The following CTNND2 variants were observed in gnomAD, a reference collection of about 807,000 sequenced individuals.
CTNND2 encodes catenin delta-2.
In CTNND2, 22 loss-of-function variants were observed where a neutral mutation model predicts 144.4. That is an observed-to-expected ratio of 0.15 (90% CI 0.11 to 0.22). CTNND2 has a LOEUF of 0.22. CTNND2 is among the 10% of genes least tolerant of loss of function. The pLI is 1.00. For missense variants in CTNND2, 1,353 were observed against 1,618.8 expected (o/e 0.84, Z 2.82); for synonymous variants, 751 against 695.6 (o/e 1.08, Z -1.25).
At chr5:11,416,368 T>C (rs1302516844) in intron 3 of CTNND2, among the ~76,000 whole-genome samples, 2 of 152,220 alleles carry the variant, frequency 1.3e-5, no homozygotes, top group African/African-American at 4.8e-5. Context: ...AACTTCCTTT[T>C]GGGCAGACAA....
intron 1 of CTNND2, among the ~76,000 whole-genome samples, chr5:11,824,723 T>G (rs2126948893): frequency 1.3e-5 from 2 of 152,314 alleles, no homozygotes; most frequent in South Asian, 4.1e-4. Context: ...AGAATCCTGC[T>G]GGCACCCATC....
chr5:11,287,442 T>C (rs1267874780), intron 9 of CTNND2, among the ~76,000 whole-genome samples: 1 of 152,220 alleles, frequency 6.6e-6, no homozygotes, highest in Non-Finnish European at 1.5e-5. Context: ...TTCCTTAAAA[T>C]AAATCTCTCT....
At position 11,770,621 on chromosome 5, in the gene CTNND2, C is replaced by T. The variant is rs114474150; in HGVS notation, c.38-38349G>A. On this transcript the variant is annotated intron_variant, in intron 1 of 21. Coordinates refer to ENST00000304623, the MANE Select transcript of CTNND2 (RefSeq NM_001332.4). ...CATCTTCCTATACTTTCCTGCACCC[C>T]TTCCCCTGAGGCAAATGTCTAGCCA... 2.8e-3 allele frequency among the ~76,000 whole-genome samples: 433 copies of T among 152,250 alleles called. 1 individual carries two copies. The highest frequency in any genetic ancestry group is 1.0e-2 in the African/African-American group (415 of 41,548).
chr5:11,578,453 G>A (rs1581540819), intron 2 of CTNND2, among the ~76,000 whole-genome samples: 1 of 152,018 alleles, frequency 6.6e-6, no homozygotes, highest in Admixed American at 6.6e-5. Flanking sequence ...ACGAGGTCAG[G>A]AGTTCGAGGC....
At chr5:11,524,814 C>T (rs1053548109) in intron 3 of CTNND2, among the ~76,000 whole-genome samples, 1 of 152,054 alleles carries the variant, frequency 6.6e-6, no homozygotes, top group African/African-American at 2.4e-5. Context: ...ATCATCACTT[C>T]GTTTTGCAAA....
intron 15 of CTNND2, among the ~76,000 whole-genome samples, chr5:11,086,635 A>G (rs1456541325): frequency 6.6e-6 from 1 of 152,228 alleles, no homozygotes; most frequent in Non-Finnish European, 1.5e-5. Context: ...TTTGTGTCCC[A>G]TGAAATTCCT....
chr5:11,282,383 C>G (rs536856977), intron 9 of CTNND2, among the ~76,000 whole-genome samples: 3 of 152,266 alleles, frequency 2.0e-5, no homozygotes, highest in African/African-American at 2.4e-5. Flanking sequence ...ACTTGATACC[C>G]TCTCTCTCCT....
At chr5:11,074,179 A>T (rs181474108) in intron 16 of CTNND2, among the ~76,000 whole-genome samples, 91 of 152,310 alleles carry the variant, frequency 6.0e-4, no homozygotes, top group African/African-American at 2.0e-3. Context: ...GACCCTCAAG[A>T]GGTCTGTTTC....
chr5:11,055,421 C>T (rs757504278), intron 16 of CTNND2, among the ~76,000 whole-genome samples: 4 of 152,150 alleles, frequency 2.6e-5, no homozygotes, highest in Non-Finnish European at 5.9e-5. Flanking sequence ...ATCAGAACTG[C>T]CATACCCCCA....
chr5:11,700,676 A>G (rs2126670071), intron 2 of CTNND2, among the ~76,000 whole-genome samples: 1 of 152,336 alleles, frequency 6.6e-6, no homozygotes, highest in Middle Eastern at 3.4e-3. Context: ...CCTACGGTCA[A>G]TAGAGCACTA....
At chr5:11,753,982 C>T (rs1313675051) in intron 1 of CTNND2, among the ~76,000 whole-genome samples, 1 of 151,052 alleles carries the variant, frequency 6.6e-6, no homozygotes, top group Non-Finnish European at 1.5e-5. Flanking sequence ...TTGTAGTAGT[C>T]TCGGAGGGAT....
At chr5:11,829,066 A>G (rs1337763208) in intron 1 of CTNND2, among the ~76,000 whole-genome samples, 1 of 152,146 alleles carries the variant, frequency 6.6e-6, no homozygotes, top group Non-Finnish European at 1.5e-5. Flanking sequence ...CGAACTTCAG[A>G]AAGATGATTT....
rs183693314 is a variant in CTNND2, at chr5:11,679,939, T to C, written c.174+52197A>G. On this transcript the variant is annotated intron_variant, in intron 2 of 21. Coordinates refer to ENST00000304623, the MANE Select transcript of CTNND2 (RefSeq NM_001332.4). ...ATTGTGGTGATTGTGATGAATGTTC[T>C]AAAGCACAATCACAGGAATTACAGA... Among the ~76,000 whole-genome samples, 9 of 152,302 alleles carry C rather than the reference T, an allele frequency of 5.9e-5. No individual in the cohort carries two copies. The East Asian group carries it at 1.7e-3, about 29-fold the overall frequency.
At position 11,695,146 on chromosome 5, in the gene CTNND2, AAGGTC is replaced by A. The variant is rs529729433; in HGVS notation, c.174+36985_174+36989del. 9.2e-5 allele frequency among the ~76,000 whole-genome samples: 14 copies of A among 152,348 alleles called. No homozygotes were observed. The South Asian group carries it at 2.9e-3, about 32-fold the overall frequency. ...GTCTAGAGGAGCCTATAATAATAAAAAGGTCAGACCAGGAAGAGACAGGCTGGAAG... is the reference window on the plus strand; with the variant it reads ...GTCTAGAGGAGCCTATAATAATAAAAAGACCAGGAAGAGACAGGCTGGAAG... On this transcript the variant is annotated intron_variant, in intron 2 of 21. Coordinates refer to ENST00000304623, the MANE Select transcript of CTNND2 (RefSeq NM_001332.4).
intron 2 of CTNND2, among the ~76,000 whole-genome samples, chr5:11,606,402 C>A (rs1780044653): frequency 6.6e-6 from 1 of 152,162 alleles, no homozygotes; most frequent in South Asian, 2.1e-4. Context: ...ACAAAACTAA[C>A]ACAGCAGTGG....
chr5:11,653,011 C>T (rs137924804), intron 2 of CTNND2, among the ~76,000 whole-genome samples: 12 of 151,842 alleles, frequency 7.9e-5, no homozygotes, highest in African/African-American at 2.9e-4. Flanking sequence ...GCATAATGTC[C>T]TCCATCTATG....
intron 1 of CTNND2, among the ~76,000 whole-genome samples, chr5:11,892,290 C>G (rs1174364294): frequency 6.6e-6 from 1 of 152,164 alleles, no homozygotes; most frequent in Non-Finnish European, 1.5e-5. Flanking sequence ...GGATGAATAG[C>G]CTACCTTATT....
At chr5:11,269,378 T>C (rs1450485127) in intron 9 of CTNND2, among the ~76,000 whole-genome samples, 1 of 152,220 alleles carries the variant, frequency 6.6e-6, no homozygotes, top group African/African-American at 2.4e-5. Context: ...TTCTCGTTTA[T>C]TATAATAGAA....
At chr5:11,255,856 T>C (rs1345187826) in intron 9 of CTNND2, among the ~76,000 whole-genome samples, 3 of 152,310 alleles carry the variant, frequency 2.0e-5, no homozygotes, top group African/African-American at 7.2e-5. Context: ...GAAACTGTGA[T>C]GGTTTCCTAA....
Sources: allele counts gnomAD v4.1 joint callset (sites outside exome capture counted in the v4.1 genomes callset), GRCh38; gene constraint gnomAD v4.1.1; transcripts MANE v1.5; gene names NCBI Gene and HGNC (gene_info 2026-07-23, HGNC 2026-07-21).